IFT43: variants seen among roughly 807,000 people sequenced by gnomAD.
The protein encoded by IFT43 is intraflagellar transport 43.
In IFT43, 33 loss-of-function variants were observed where a neutral mutation model predicts 32.3. That is an observed-to-expected ratio of 1.02 (90% CI 0.77 to 1.37). The LOEUF (loss-of-function observed/expected upper bound fraction) is 1.37, where lower values mean the gene tolerates loss of function less well. Ranked by LOEUF, IFT43 falls within the 40% of genes most tolerant of loss-of-function variation. IFT43 has a pLI of 0.00. For synonymous variants in IFT43, 93 were observed against 98.2 expected (o/e 0.95, Z 0.31); for missense variants, 274 against 265.9 (o/e 1.03, Z -0.21).
At chr14:76,025,664 C>G (rs1214060329) in intron 3 of IFT43, among the ~76,000 whole-genome samples, 1 of 151,978 alleles carries the variant, frequency 6.6e-6, no homozygotes, top group Non-Finnish European at 1.5e-5. Context: ...ATACCTGCAA[C>G]TATCTTCAAA....
intron 3 of IFT43, among the ~76,000 whole-genome samples, chr14:76,043,180 G>T (rs1378842709): frequency 6.6e-6 from 1 of 152,240 alleles, no homozygotes; most frequent in Non-Finnish European, 1.5e-5. Flanking sequence ...TTTCTAGATG[G>T]CTTGCTTGAA....
In IFT43 at chr14:76,076,790, C is replaced by T. The variant is rs532767154; in HGVS notation, c.296-5505C>T. 98 of 1,403,178 alleles carry T rather than the reference C, an allele frequency of 7.0e-5. 2 individuals are homozygous for T. In the African/African-American group the frequency reaches 1.2e-3, roughly 17 times the overall value. The allele number at this position is 1,403,178 out of a possible 1,614,324, so 86.9% of individuals were successfully genotyped here. A position where few individuals can be genotyped will look rare whatever the true frequency, so the allele number is the denominator to read the frequency against. On this transcript the variant is annotated intron_variant, in intron 5 of 8. Coordinates refer to ENST00000314067, the MANE Select transcript of IFT43 (RefSeq NM_001102564.3). ...AGTGTGCGCATGTGATGATATTATC[C>T]GTAATGAATGTATTTCAGGCCAAAT...
At chr14:76,039,158 G>A (rs2140003676) in intron 3 of IFT43, among the ~76,000 whole-genome samples, 1 of 151,318 alleles carries the variant, frequency 6.6e-6, no homozygotes, top group South Asian at 2.1e-4. Flanking sequence ...TTTTAGACAG[G>A]GTCTCATTCT....
intron 5 of IFT43, among the ~76,000 whole-genome samples, chr14:76,077,600 C>T (rs1221179198): frequency 6.6e-6 from 1 of 152,088 alleles, no homozygotes; most frequent in Non-Finnish European, 1.5e-5. Context: ...TGAGGGCTAC[C>T]CTGTGGCCAC....
chr14:76,061,517 A>G (rs187255998), intron 5 of IFT43, among the ~76,000 whole-genome samples: 1 of 152,010 alleles, frequency 6.6e-6, no homozygotes, highest in Admixed American at 6.5e-5. Flanking sequence ...TTTTTAGTCT[A>G]CTTTTTTTCT....
intron 3 of IFT43, among the ~76,000 whole-genome samples, chr14:76,026,375 A>G (rs1566713961): frequency 6.6e-6 from 1 of 152,126 alleles, no homozygotes; most frequent in African/African-American, 2.4e-5. Flanking sequence ...CCTGACCGAC[A>G]TGGAGAATCC....
intron 5 of IFT43, among the ~76,000 whole-genome samples, chr14:76,065,487 TC>T (rs1199398381): frequency 6.6e-6 from 1 of 152,192 alleles, no homozygotes; most frequent in African/African-American, 2.4e-5. Context: ...CCGTGCCCCT[TC>T]CAGCCCATCC....
chr14:76,072,592 C>G (rs1247158433), intron 5 of IFT43, among the ~76,000 whole-genome samples: 1 of 152,120 alleles, frequency 6.6e-6, no homozygotes, highest in African/African-American at 2.4e-5. Flanking sequence ...GTCTTGTGCA[C>G]GCGTGCATGT....
chr14:76,083,529 A>C lies in IFT43; in HGVS notation c.579A>C (p.Pro193=), dbSNP rs772356410. 4 of 1,614,032 alleles carry C rather than the reference A, an allele frequency of 2.5e-6. No homozygotes were observed. Among genetic ancestry groups the C allele is most frequent in the Non-Finnish European group, 3.4e-6 (4 of 1,180,006 alleles). Residue 193 remains proline (P), a synonymous_variant, in exon 9 of 9, where the codon CCA becomes CCC. Coordinates refer to ENST00000314067, the MANE Select transcript of IFT43 (RefSeq NM_001102564.3). Reference sequence around the variant, plus strand: ...CAGAGGTCCTCACTGAGTGGGACCCACTGCAGACGGAGAAGGAGGACCCTG... The same window carrying C: ...CAGAGGTCCTCACTGAGTGGGACCCCCTGCAGACGGAGAAGGAGGACCCTG... ...VSSEVLTEWD[P]LQTEKEDPAG...
chr14:76,005,006 A>G (rs1229921472), intron 2 of IFT43, among the ~76,000 whole-genome samples: 2 of 152,144 alleles, frequency 1.3e-5, no homozygotes, highest in African/African-American at 4.8e-5. Context: ...AGCTGCTTAT[A>G]AGGTCCTTAT....
intron 2 of IFT43, among the ~76,000 whole-genome samples, chr14:75,994,610 T>G (rs1054452994): frequency 5.3e-5 from 8 of 152,122 alleles, no homozygotes; most frequent in Non-Finnish European, 1.2e-4. Context: ...TGACTACATT[T>G]TTTGGGTGGG....
rs190720377 is a variant in IFT43, at chr14:76,005,526, G to A, written c.147+16549G>A. Among the ~76,000 whole-genome samples the A allele has an allele frequency of 1.8e-3, 271 of 152,254 alleles. 1 individual carries two copies. Among genetic ancestry groups the A allele is most frequent in the African/African-American group, 6.3e-3 (262 of 41,548 alleles). ...GCAGTTGCTTTTCACTGGGTTTCTT[G>A]GAGTCTCCTTTATGCATGTACAATT... On this transcript the variant is annotated intron_variant, in intron 2 of 8. Transcript: ENST00000314067.
At chr14:75,993,586 A>G (rs916878671) in intron 2 of IFT43, among the ~76,000 whole-genome samples, 1 of 152,246 alleles carries the variant, frequency 6.6e-6, no homozygotes, top group African/African-American at 2.4e-5. Flanking sequence ...GGTTGCCTAC[A>G]ACAGAAACAA....
chr14:76,076,477 T>C (rs569413922), intron 5 of IFT43: 61 of 1,464,416 alleles, frequency 4.2e-5, no homozygotes, highest in African/African-American at 1.8e-4. Flanking sequence ...CAGATTGGGG[T>C]GTCTCCTTTG....
chr14:76,042,491 G>A (rs2140011476), intron 3 of IFT43, among the ~76,000 whole-genome samples: 1 of 152,278 alleles, frequency 6.6e-6, no homozygotes, highest in Admixed American at 6.5e-5. Context: ...TGTTCAGCTT[G>A]TGAGAATAAT....
intron 3 of IFT43, among the ~76,000 whole-genome samples, chr14:76,025,413 C>A (rs2036371974): frequency 6.6e-6 from 1 of 152,018 alleles, no homozygotes; most frequent in South Asian, 2.1e-4. Context: ...ATTAAACTAC[C>A]ATTGACATTC....
intron 5 of IFT43, among the ~76,000 whole-genome samples, chr14:76,080,842 G>A (rs1181674797): frequency 6.6e-6 from 1 of 152,222 alleles, no homozygotes; most frequent in Non-Finnish European, 1.5e-5. Flanking sequence ...TAGCAGGATA[G>A]AGAGATATAA....
intron 3 of IFT43, among the ~76,000 whole-genome samples, chr14:76,037,218 C>T (rs2036616555): frequency 6.6e-6 from 1 of 152,156 alleles, no homozygotes; most frequent in Non-Finnish European, 1.5e-5. Flanking sequence ...CCAGTTTTGG[C>T]AGGAATACTT....
intron 2 of IFT43, among the ~76,000 whole-genome samples, chr14:76,017,665 A>G (rs2036214049): frequency 2.0e-5 from 3 of 152,086 alleles, no homozygotes; most frequent in Admixed American, 6.6e-5. Context: ...ATTCAATAGT[A>G]AAGCTATCTA....
Sources: gnomAD v4.1 joint callset for allele counts (sites outside exome capture counted in the v4.1 genomes callset) on GRCh38, gnomAD v4.1.1 for gene constraint, MANE v1.5 for transcripts, NCBI Gene and HGNC (gene_info 2026-07-23, HGNC 2026-07-21) for gene names.